Variants in PRKCE observed in about 807,000 individuals in gnomAD.
PRKCE encodes protein kinase C epsilon.
PRKCE carries 16 observed loss-of-function variants against 85.4 expected under a neutral mutation model. That is an observed-to-expected ratio of 0.19 (90% CI 0.13 to 0.28). The LOEUF is 0.28. PRKCE is among the 10% of genes least tolerant of loss of function. The pLI is 1.00. For synonymous variants in PRKCE, 388 were observed against 371.5 expected, an observed-to-expected ratio of 1.04 and a Z score of -0.51; for missense variants, 573 against 975.2, an observed-to-expected ratio of 0.59 and a Z score of 5.49.
At chr2:45,742,808 A>T (rs1682690006) in intron 1 of PRKCE, among the ~76,000 whole-genome samples, 1 of 152,240 alleles carries the variant, frequency 6.6e-6, no homozygotes, top group South Asian at 2.1e-4. Flanking sequence ...AAGGAAATAA[A>T]ATCACTGTCT....
At chr2:45,896,031 T>C (rs753248176) in intron 2 of PRKCE, among the ~76,000 whole-genome samples, 23 of 152,302 alleles carry the variant, frequency 1.5e-4, no homozygotes, top group Admixed American at 2.6e-4. Flanking sequence ...GGGGTGGTCA[T>C]CCACAAATGA....
rs1459419656 is a variant in PRKCE at position 46,185,983 on chromosome 2, C to G, written c.*1102C>G. The G allele has an allele frequency of 2.0e-5, 3 of 152,480 alleles. No individual in the cohort carries two copies. The highest frequency in any genetic ancestry group is 4.4e-5 in the Non-Finnish European group (3 of 68,034). 9.4% of individuals were successfully genotyped at this position (152,480 alleles called of 1,614,324 possible). A position where few individuals can be genotyped will look rare whatever the true frequency, so the allele number is the denominator to read the frequency against. The stretch of plus-strand genomic sequence containing the variant: ...TGTAAAGTTATATACGAAATATCTG[C>G]TTTTGGAATAAGCAGAATGAGGCTA... On this transcript the variant is annotated 3_prime_UTR_variant, in exon 15 of 15. Transcript: ENST00000306156. This position sits in a 1 kb window ranked among gnomAD's most constrained non-coding sequence, Gnocchi z 4.7.
At chr2:45,660,275 G>T (rs1675577998) in intron 1 of PRKCE, among the ~76,000 whole-genome samples, 1 of 152,164 alleles carries the variant, frequency 6.6e-6, no homozygotes, top group Non-Finnish European at 1.5e-5. Context: ...GAGGAGGAAG[G>T]AGAAAAGGAT....
At chr2:45,666,167 C>G (rs908046798) in intron 1 of PRKCE, among the ~76,000 whole-genome samples, 13 of 152,102 alleles carry the variant, frequency 8.5e-5, no homozygotes, top group African/African-American at 3.1e-4. Context: ...AAAATATTTC[C>G]TTCGTTTTAG....
chr2:45,766,812 G>A (rs1246428269), intron 1 of PRKCE, among the ~76,000 whole-genome samples: 2 of 152,200 alleles, frequency 1.3e-5, no homozygotes, highest in Non-Finnish European at 2.9e-5. Flanking sequence ...GGCCAAGGTG[G>A]GAGGATTGCC....
chr2:45,774,188 G>A lies in PRKCE; in HGVS notation c.349-68812G>A, dbSNP rs552516458. Among the ~76,000 whole-genome samples, 2 of 152,260 alleles carry A rather than the reference G, an allele frequency of 1.3e-5. No individual in the cohort carries two copies. The highest frequency in any genetic ancestry group is 4.8e-5 in the African/African-American group (2 of 41,566). ...CCAGGGCTGGGCTTGGCTGGGACAT[G>A]TTGGGCTGACCACCCCTGTGGTCAG... On this transcript the variant is annotated intron_variant, in intron 1 of 14. Transcript: ENST00000306156. This position sits in a 1 kb window ranked among gnomAD's most constrained non-coding sequence, Gnocchi z 4.3.
In PRKCE at chr2:46,185,022, C is replaced by A; in HGVS notation, c.*141C>A. On this transcript the variant is annotated 3_prime_UTR_variant, in exon 15 of 15. Transcript: ENST00000306156. The surrounding 1 kb of genome is among the most constrained non-coding windows in gnomAD (Gnocchi z 4.7). Reference sequence around the variant, plus strand: ...ATGTCCACTGTCTATTTATTGCATTCCCTTGCCCCAGGCCACCTCCTCCCC... The same window carrying A: ...ATGTCCACTGTCTATTTATTGCATTACCTTGCCCCAGGCCACCTCCTCCCC... 8.2e-7 allele frequency: 1 copy of A among 1,218,112 alleles called. No individual in the cohort carries two copies. Among genetic ancestry groups the A allele is most frequent in the Non-Finnish European group, 1.1e-6 (1 of 885,558 alleles). 75.5% of individuals were successfully genotyped at this position (1,218,112 alleles called of 1,614,324 possible).
intron 11 of PRKCE, among the ~76,000 whole-genome samples, chr2:46,094,706 T>C (rs375800169): frequency 7.9e-5 from 12 of 151,974 alleles, no homozygotes; most frequent in African/African-American, 2.9e-4. Flanking sequence ...ACCTAGGTGA[T>C]GGGATGATCT....
At chr2:45,915,898 C>A (rs1322625287) in intron 2 of PRKCE, among the ~76,000 whole-genome samples, 4 of 152,098 alleles carry the variant, frequency 2.6e-5, no homozygotes, top group Admixed American at 2.6e-4. Context: ...ATTTAAGGAA[C>A]CTGAGAGAGA....
chr2:45,755,686 C>G (rs1683944262), intron 1 of PRKCE, among the ~76,000 whole-genome samples: 1 of 152,210 alleles, frequency 6.6e-6, no homozygotes, highest in African/African-American at 2.4e-5. Context: ...CTTGATTTCT[C>G]TGTCTATCCT....
intron 1 of PRKCE, among the ~76,000 whole-genome samples, chr2:45,781,158 C>A (rs1019497290): frequency 2.3e-5 from 3 of 129,776 alleles, no homozygotes; most frequent in African/African-American, 4.2e-5. Flanking sequence ...CATACGGAGA[C>A]CCCCCCATCT....
In PRKCE at chr2:46,138,813, G is replaced by A. The variant is rs1340371611; in HGVS notation, c.1593-6280G>A. 6.6e-6 allele frequency among the ~76,000 whole-genome samples: 1 copy of A among 152,128 alleles called. No homozygotes were observed. The highest frequency in any genetic ancestry group is 1.9e-4 in the East Asian group (1 of 5,196). On this transcript the variant is annotated intron_variant, in intron 11 of 14. Transcript: ENST00000306156. This position sits in a 1 kb window ranked among gnomAD's most constrained non-coding sequence, Gnocchi z 4.2. ...CCAGGGTGCTAGTAAACATCCTGTAGTACACAGCACAGCCCCCCACAACAC... is the reference window on the plus strand; with the variant it reads ...CCAGGGTGCTAGTAAACATCCTGTAATACACAGCACAGCCCCCCACAACAC...
intron 1 of PRKCE, among the ~76,000 whole-genome samples, chr2:45,780,806 C>T (rs948359104): frequency 2.0e-5 from 3 of 152,320 alleles, no homozygotes; most frequent in Non-Finnish European, 4.4e-5. Context: ...TTCACATTTG[C>T]TTTCTTCCCT....
intron 1 of PRKCE, among the ~76,000 whole-genome samples, chr2:45,723,168 A>G (rs1430795369): frequency 2.0e-5 from 3 of 152,198 alleles, no homozygotes; most frequent in Non-Finnish European, 4.4e-5. Context: ...GGAAAATAGA[A>G]TATGGGAGGC....
intron 1 of PRKCE, among the ~76,000 whole-genome samples, chr2:45,713,884 A>G (rs530294673): frequency 6.6e-6 from 1 of 152,328 alleles, no homozygotes; most frequent in South Asian, 2.1e-4. Flanking sequence ...TACACAAAGG[A>G]CTTTTATTCT....
intron 1 of PRKCE, among the ~76,000 whole-genome samples, chr2:45,737,448 G>A (rs547396494): frequency 1.8e-4 from 27 of 152,302 alleles, no homozygotes; most frequent in African/African-American, 6.0e-4. Context: ...GCCTTTGTGC[G>A]GGTGGGAACA....
Position 45,786,012 on chromosome 2 carries a change from G to A in PRKCE, c.349-56988G>A, listed in dbSNP as rs1686574933. Among the ~76,000 whole-genome samples the A allele has an allele frequency of 6.6e-6, 1 of 152,172 alleles. No homozygotes were observed. Among genetic ancestry groups the A allele is most frequent in the African/African-American group, 2.4e-5 (1 of 41,436 alleles). ...GTTCTGCTGCAGTCATGCTGCCTCA[G>A]CGCTGCTGAGGGGTCTAGAGTCTCA... On this transcript the variant is annotated intron_variant, in intron 1 of 14. Transcript: ENST00000306156. The surrounding 1 kb of genome is among the most constrained non-coding windows in gnomAD (Gnocchi z 5.3).
intron 1 of PRKCE, among the ~76,000 whole-genome samples, chr2:45,707,824 G>A (rs577507742): frequency 7.2e-5 from 11 of 152,312 alleles, no homozygotes; most frequent in South Asian, 2.1e-4. Context: ...TGGAAGGAGC[G>A]ATGGCTCTGA....
Position 45,789,604 on chromosome 2 carries a change from C to T in PRKCE, c.349-53396C>T, listed in dbSNP as rs189822443. On this transcript the variant is annotated intron_variant, in intron 1 of 14. Coordinates refer to ENST00000306156, the MANE Select transcript of PRKCE (RefSeq NM_005400.3). ...AATGATCATGCCACTGCACTCCAGC[C>T]TGGGCAACAGAGTGAGACTGTCTCT... Among the ~76,000 whole-genome samples, 84 of 152,272 alleles carry T rather than the reference C, an allele frequency of 5.5e-4. No homozygotes were observed. In the Middle Eastern group the frequency reaches 0.02, roughly 37 times the overall value.
Sources: allele counts gnomAD v4.1 joint callset (sites outside exome capture counted in the v4.1 genomes callset), GRCh38; gene constraint gnomAD v4.1.1; non-coding constraint Gnocchi (gnomAD v3.1); transcripts MANE v1.5; gene names NCBI Gene and HGNC (gene_info 2026-07-23, HGNC 2026-07-21).